DYNC2LI1: variants seen among roughly 807,000 people sequenced by gnomAD.
DYNC2LI1 encodes dynein cytoplasmic 2 light intermediate chain 1.
A neutral mutation model predicts 51.9 loss-of-function variants in DYNC2LI1; 45 were observed. The observed-to-expected ratio is 0.87, with a 90% confidence interval of 0.68 to 1.11. The LOEUF (loss-of-function observed/expected upper bound fraction) is 1.11. Among genes scored for constraint, DYNC2LI1 ranks in the 50% most tolerant of loss-of-function variants. The pLI, the probability that DYNC2LI1 is intolerant of heterozygous loss-of-function variation, is 0.00. For missense variants in DYNC2LI1, 490 were observed against 417.4 expected (o/e 1.17, Z -1.51); for synonymous variants, 130 against 137.8 (o/e 0.94, Z 0.40).
chr2:43,806,542 T>G (rs1438323531), intron 12 of DYNC2LI1, among the ~76,000 whole-genome samples: 1 of 152,210 alleles, frequency 6.6e-6, no homozygotes, highest in Non-Finnish European at 1.5e-5. Flanking sequence ...GAAAATGACC[T>G]TATGTAACCC....
chr2:43,824,542 T>C, the DYNC2LI1 span: 20 of 1,590,472 alleles, frequency 1.3e-5, no homozygotes, highest in Middle Eastern at 1.7e-4. Flanking sequence ...CCCATCAAGA[T>C]AAAATTTGTG....
downstream of DYNC2LI1, among the ~76,000 whole-genome samples, chr2:43,814,303 C>A (rs1666678758): frequency 6.6e-6 from 1 of 152,206 alleles, no homozygotes; most frequent in African/African-American, 2.4e-5. Flanking sequence ...AACTTGACTA[C>A]TGCTTATTTT....
intron 1 of DYNC2LI1, among the ~76,000 whole-genome samples, chr2:43,774,788 G>C (rs1410245561): frequency 6.6e-6 from 1 of 151,420 alleles, no homozygotes; most frequent in African/African-American, 2.5e-5. Flanking sequence ...GGGATAATTG[G>C]TTAGTTATAA....
the DYNC2LI1 span, chr2:43,822,465 TCCCCTCCCCCAGG>T: frequency 2.4e-6 from 2 of 842,970 alleles, no homozygotes; most frequent in Non-Finnish European, 1.4e-6. Context: ...GGCTGCTTTC[TCCCCTCCCCCAGG>T]CCCCCCCCCA....
At chr2:43,822,938 G>A in the DYNC2LI1 span, 9 of 1,613,562 alleles carry the variant, frequency 5.6e-6, no homozygotes, top group African/African-American at 1.3e-5. Context: ...CACGGGAACT[G>A]GGGATGGAAG....
downstream of DYNC2LI1, chr2:43,810,031 T>C: frequency 1.1e-6 from 1 of 905,394 alleles, no homozygotes; most frequent in Admixed American, 4.6e-5. Flanking sequence ...TGGTATATAC[T>C]CAATTCAGCA....
At chr2:43,794,673 A>G in intron 6 of DYNC2LI1, 30 bp downstream of exon 6, 1 of 1,614,014 alleles carries the variant, frequency 6.2e-7, no homozygotes, top group Non-Finnish European at 8.5e-7. Context: ...TATTACTGGA[A>G]TCCTTAGTCC....
chr2:43,787,114 G>T, intron 3 of DYNC2LI1, 67 bp from the exon 4 acceptor site: 1 of 1,286,502 alleles, frequency 7.8e-7, no homozygotes, highest in South Asian at 1.3e-5. Context: ...AAATGAATCA[G>T]GTAAGGTGAT....
chr2:43,824,204 T>G, the DYNC2LI1 span: 2 of 1,614,116 alleles, frequency 1.2e-6, no homozygotes, highest in Non-Finnish European at 1.7e-6. Flanking sequence ...TTTCTCACAT[T>G]TGTGAGCCTC....
At chr2:43,775,321 C>G in intron 1 of DYNC2LI1, among the ~76,000 whole-genome samples, 1 of 152,164 alleles carries the variant, frequency 6.6e-6, no homozygotes. Flanking sequence ...CAGGCTAGGA[C>G]CTATCAGGTC....
downstream of DYNC2LI1, among the ~76,000 whole-genome samples, chr2:43,810,876 TC>T (rs1558707971): frequency 6.6e-6 from 1 of 152,204 alleles, no homozygotes; most frequent in Non-Finnish European, 1.5e-5. Flanking sequence ...AACAGCCTAT[TC>T]CACAAGAGTA....
the DYNC2LI1 span, chr2:43,824,223 G>C: frequency 5.0e-6 from 8 of 1,614,206 alleles, no homozygotes; most frequent in Non-Finnish European, 6.8e-6. Context: ...TCTTACCTCA[G>C]GAGAACACCC....
At chr2:43,785,523 C>T (rs1673484885) in intron 3 of DYNC2LI1, among the ~76,000 whole-genome samples, 1 of 151,746 alleles carries the variant, frequency 6.6e-6, no homozygotes, top group South Asian at 2.1e-4. Flanking sequence ...CATTTGAGGT[C>T]AGGAGTTCGA....
chr2:43,826,045 G>A, the DYNC2LI1 span, among the ~76,000 whole-genome samples: 4 of 152,168 alleles, frequency 2.6e-5, no homozygotes, highest in East Asian at 5.8e-4. Flanking sequence ...GCATGATCAC[G>A]ACTCCCTGCA....
downstream of DYNC2LI1, among the ~76,000 whole-genome samples, chr2:43,813,868 A>G (rs569019252): frequency 6.0e-5 from 9 of 150,422 alleles, no homozygotes; most frequent in Admixed American, 2.6e-4. Context: ...ACAGGCACGC[A>G]CCACCACGCC....
Position 43,804,685 on chromosome 2 carries a change from C to T in DYNC2LI1, c.846C>T (p.Ala282=), listed in dbSNP as rs1422080774. ...AAAATGACATTGGAAAGCTTCATGC[C>T]CACTCACCTATGGAGTTGTGGAAAA... ...VPENDIGKLH[A]HSPMELWKKV... The change falls in exon 11 of 13, where the codon GCC becomes GCT. Residue 282 remains alanine, a synonymous_variant. Transcript: ENST00000260605. 2 of 1,608,488 alleles carry T rather than the reference C, an allele frequency of 1.2e-6. No homozygotes were observed. The highest frequency in any genetic ancestry group is 1.7e-6 in the Non-Finnish European group (2 of 1,178,022).
the DYNC2LI1 span, chr2:43,826,293 C>A: frequency 6.3e-7 from 1 of 1,592,322 alleles, no homozygotes; most frequent in South Asian, 1.1e-5. Context: ...AGCCACTGTG[C>A]CTGGCCACTG....
At chr2:43,816,437 A>G in the DYNC2LI1 span, among the ~76,000 whole-genome samples, 1 of 152,188 alleles carries the variant, frequency 6.6e-6, no homozygotes, top group Non-Finnish European at 1.5e-5. Flanking sequence ...GGTGGCGGAG[A>G]GAGAGAAATG....
chr2:43,776,077 G>A (rs1441964637), intron 1 of DYNC2LI1, among the ~76,000 whole-genome samples: 3 of 151,506 alleles, frequency 2.0e-5, no homozygotes, highest in Admixed American at 6.6e-5. Flanking sequence ...GGATACATGT[G>A]CACAACGTGC....
Sources: gnomAD v4.1 joint callset for allele counts (sites outside exome capture counted in the v4.1 genomes callset) on GRCh38, gnomAD v4.1.1 for gene constraint, MANE v1.5 for transcripts, NCBI Gene and HGNC (gene_info 2026-07-23, HGNC 2026-07-21) for gene names.